RTCA: variants seen among roughly 807,000 people sequenced by gnomAD.
RTCA encodes the protein RNA 3'-terminal phosphate cyclase.
Under a neutral mutation model 46.1 loss-of-function variants are expected in RTCA, and 37 were observed. The observed-to-expected ratio is 0.80, with a 90% CI of 0.62 to 1.06. RTCA has a LOEUF of 1.06. RTCA is among the 50% of genes least tolerant of loss of function. RTCA has a pLI of 0.00. For missense variants in RTCA, 435 were observed against 455.5 expected (o/e 0.95, Z 0.41); for synonymous variants, 164 against 158.3 (o/e 1.04, Z -0.27).
chr1:100,277,325 A>C lies in RTCA; in HGVS notation c.799+9A>C, dbSNP rs754970676. ...ATCGCTTGGTAAACGAGGTAAGATA[A>C]ATGAAGGGGGTCCATAGTTCCCAAT... On this transcript the variant is annotated intron_variant, in intron 8 of 10. Transcript: ENST00000370128. 43 of 1,605,824 alleles carry C rather than the reference A, an allele frequency of 2.7e-5. No individual in the cohort carries two copies. Among genetic ancestry groups the C allele is most frequent in the Non-Finnish European group, 3.5e-5 (41 of 1,176,218 alleles).
intron 4 of RTCA, among the ~76,000 whole-genome samples, chr1:100,271,944 G>A (rs992176256): frequency 7.2e-5 from 11 of 152,132 alleles, no homozygotes; most frequent in Non-Finnish European, 1.6e-4. Flanking sequence ...CTGTACGTAG[G>A]CTTTGAGTCT....
chr1:100,287,226 A>C (rs750905406), intron 10 of RTCA, 23 bp downstream of exon 10: 1 of 1,494,536 alleles, frequency 6.7e-7, no homozygotes, highest in Non-Finnish European at 9.0e-7. Flanking sequence ...TCAGAAAGGG[A>C]AATTGATATT....
rs746999719 is a variant in RTCA at position 100,291,478 on chromosome 1, A to G, written c.1075A>G (p.Ile359Val). ...TACTTATATTATTGAATGCCAAGGA[A>G]TTGGGATGACAAATCCAAATCTATA... ...KDTYIIECQG[I>V]GMTNPNL Residue 359 changes from isoleucine to valine, a missense_variant, in exon 11 of 11, where the codon ATT becomes GTT. By Grantham distance (29) the Ile-to-Val change is conservative (BLOSUM62 3). Coordinates refer to ENST00000370128, the MANE Select transcript of RTCA (RefSeq NM_003729.4). 6.2e-7 allele frequency: 1 copy of G among 1,610,460 alleles called. No homozygotes were observed. The highest frequency in any genetic ancestry group is 8.5e-7 in the Non-Finnish European group (1 of 1,177,550).
At chr1:100,276,311 G>T (rs1432372997) in intron 7 of RTCA, among the ~76,000 whole-genome samples, 1 of 152,186 alleles carries the variant, frequency 6.6e-6, no homozygotes, top group African/African-American at 2.4e-5. Flanking sequence ...AGTCCTATGA[G>T]AATATTTCCA....
At chr1:100,279,104 A>G (rs977549410) in intron 8 of RTCA, among the ~76,000 whole-genome samples, 1 of 152,242 alleles carries the variant, frequency 6.6e-6, no homozygotes, top group Non-Finnish European at 1.5e-5. Context: ...AGAAGCAAAG[A>G]GAATACAAAT....
chr1:100,266,474 T>C (rs769614671), intron 1 of RTCA, 50 bp from the exon 2 acceptor site: 1 of 1,607,746 alleles, frequency 6.2e-7, no homozygotes, highest in South Asian at 1.1e-5. Flanking sequence ...AGGGGAGCTC[T>C]CACCACCGGT....
chr1:100,277,258 A>T lies in RTCA; in HGVS notation c.741A>T (p.Ile247=). The change falls in exon 8 of 11, where the codon ATA becomes ATT. Residue 247 remains isoleucine (I), a splice_region_variant and synonymous_variant. Coordinates refer to ENST00000370128, the MANE Select transcript of RTCA (RefSeq NM_003729.4). ...DQAFGNGNGI[I]IIAETSTGCL... ...AGTAATAACTTTTTTTCTTGCATAG[A>T]ATTATTGCTGAGACCTCCACTGGCT... 2 of 1,613,104 alleles carry T rather than the reference A, an allele frequency of 1.2e-6. No homozygotes were observed. Among genetic ancestry groups the T allele is most frequent in the South Asian group, 2.2e-5 (2 of 90,856 alleles).
chr1:100,282,222 T>G (rs1257431719), intron 8 of RTCA, among the ~76,000 whole-genome samples: 1 of 152,246 alleles, frequency 6.6e-6, no homozygotes, highest in Non-Finnish European at 1.5e-5. Context: ...GTTAGTAATG[T>G]AGAACCATTC....
intron 8 of RTCA, among the ~76,000 whole-genome samples, chr1:100,283,336 A>G (rs2051365513): frequency 6.6e-6 from 1 of 151,060 alleles, no homozygotes; most frequent in Admixed American, 6.6e-5. Context: ...ATGCCTGGCT[A>G]ATTTTTGTAT....
intron 10 of RTCA, among the ~76,000 whole-genome samples, chr1:100,290,115 T>G (rs144188349): frequency 1.9e-4 from 29 of 152,368 alleles, no homozygotes; most frequent in African/African-American, 6.7e-4. Context: ...TACATTACCA[T>G]GTAATGCTGA....
chr1:100,282,796 G>A (rs909471168), intron 8 of RTCA, among the ~76,000 whole-genome samples: 1 of 152,182 alleles, frequency 6.6e-6, no homozygotes, highest in Non-Finnish European at 1.5e-5. Context: ...GAACATTAAT[G>A]AATTTCAGGT....
chr1:100,266,527 G>C lies in RTCA; in HGVS notation c.49G>C (p.Gly17Arg). Residue 17 changes from glycine to arginine, a missense_variant, in exon 2 of 11, where the codon GGC becomes CGC. Transcript: ENST00000370128. Reference sequence around the variant, plus strand: ...CCCTGTACCCCAACCTTTGCAGGGCGGCCAGATCCTGAGAGTCTCTACGGC... The same window carrying C: ...CCCTGTACCCCAACCTTTGCAGGGCCGCCAGATCCTGAGAGTCTCTACGGC... Reference protein sequence around the residue: ...EVDGSIMEGGGQILRVSTALS... With the variant: ...EVDGSIMEGGRQILRVSTALS... 6.2e-7 allele frequency: 1 copy of C among 1,612,964 alleles called. No individual in the cohort carries two copies. Among genetic ancestry groups the C allele is most frequent in the Non-Finnish European group, 8.5e-7 (1 of 1,179,056 alleles).
chr1:100,278,338 A>G (rs1413869461), intron 8 of RTCA, among the ~76,000 whole-genome samples: 2 of 152,228 alleles, frequency 1.3e-5, no homozygotes, highest in Admixed American at 1.3e-4. Context: ...GGTTTGGTAT[A>G]TTAGAGAGAG....
chr1:100,269,729 C>T lies in RTCA; in HGVS notation c.291-828C>T, dbSNP rs1665978159. On this transcript the variant is annotated intron_variant, in intron 3 of 10. Transcript: ENST00000370128. Reference sequence around the variant, plus strand: ...ACATGTGCAGAATGTGCAGGTTTGTCACATATGTACACATGTGCCATAGTG... The same window carrying T: ...ACATGTGCAGAATGTGCAGGTTTGTTACATATGTACACATGTGCCATAGTG... 2.0e-5 allele frequency among the ~76,000 whole-genome samples: 3 copies of T among 152,168 alleles called. No homozygotes were observed. In the South Asian group the frequency reaches 6.2e-4, roughly 32 times the overall value.
chr1:100,267,995 A>G, intron 2 of RTCA, 157 bp from the exon 3 acceptor site: 1 of 1,011,054 alleles, frequency 9.9e-7, no homozygotes, highest in Non-Finnish European at 1.4e-6. Context: ...GTCTAGGTGC[A>G]TAAAAACCCA....
intron 10 of RTCA, among the ~76,000 whole-genome samples, chr1:100,287,440 T>C (rs1667086521): frequency 6.6e-6 from 1 of 152,190 alleles, no homozygotes; most frequent in South Asian, 2.1e-4. Context: ...GAGAGATTCA[T>C]TAAATTGTTC....
intron 3 of RTCA, among the ~76,000 whole-genome samples, chr1:100,269,657 A>G (rs966983811): frequency 6.6e-6 from 1 of 152,026 alleles, no homozygotes; most frequent in African/African-American, 2.4e-5. Flanking sequence ...TGTTATTATT[A>G]AAATTAATAA....
At chr1:100,282,455 A>G (rs901605235) in intron 8 of RTCA, among the ~76,000 whole-genome samples, 1 of 152,182 alleles carries the variant, frequency 6.6e-6, no homozygotes, top group Admixed American at 6.5e-5. Context: ...TCTAGAACCT[A>G]TATAATCTCT....
In RTCA at chr1:100,285,271, A is replaced by G. The variant is rs779702567; in HGVS notation, c.843A>G (p.Leu281=). The G allele has an allele frequency of 1.7e-5, 27 of 1,613,866 alleles. 2 individuals carry two copies. The South Asian group carries it at 2.6e-4, about 16-fold the overall frequency. Residue 281 remains leucine (L), a synonymous_variant, in exon 9 of 11, where the codon CTA becomes CTG. Coordinates refer to ENST00000370128, the MANE Select transcript of RTCA (RefSeq NM_003729.4). ...DKVGIEAAEM[L]LANLRHGGTV... ...TTGGAATTGAAGCTGCCGAAATGCT[A>G]TTAGCAAATCTTAGACATGGTGGTA...
Sources: allele counts gnomAD v4.1 joint callset (sites outside exome capture counted in the v4.1 genomes callset), GRCh38; gene constraint gnomAD v4.1.1; transcripts MANE v1.5; gene names NCBI Gene and HGNC (gene_info 2026-07-23, HGNC 2026-07-21).